The following ST6GALNAC3 variants were observed in gnomAD, a reference collection of about 807,000 sequenced individuals.
ST6GALNAC3 encodes the protein alpha-N-acetylgalactosaminide alpha-2,6-sialyltransferase 3.
ST6GALNAC3 carries 25 observed loss-of-function variants against 32.7 expected under a neutral mutation model. The ratio of observed to expected loss-of-function variants is 0.76; its 90% CI spans 0.56 to 1.07. The LOEUF (loss-of-function observed/expected upper bound fraction) is 1.07, where lower values mean the gene tolerates loss of function less well. Among genes scored for constraint, ST6GALNAC3 ranks in the 50% least tolerant of loss-of-function variants. The pLI is 0.00. For missense variants in ST6GALNAC3, 355 were observed against 382.4 expected (o/e 0.93, Z 0.60); for synonymous variants, 129 against 133.1 (o/e 0.97, Z 0.21).
chr1:76,470,198 A>G (rs1658924336), intron 3 of ST6GALNAC3, among the ~76,000 whole-genome samples: 1 of 152,074 alleles, frequency 6.6e-6, no homozygotes, highest in South Asian at 2.1e-4. Context: ...TAGGTTCGGC[A>G]ACAGAATAAT....
Position 76,260,889 on chromosome 1 carries a change from A to C in ST6GALNAC3, c.19-52916A>C, listed in dbSNP as rs544507316. Among the ~76,000 whole-genome samples, 6 of 152,192 alleles carry C rather than the reference A, an allele frequency of 3.9e-5. No individual in the cohort carries two copies. The East Asian group carries it at 9.7e-4, about 25-fold the overall frequency. On this transcript the variant is annotated intron_variant, in intron 1 of 4. Coordinates refer to ENST00000328299, the MANE Select transcript of ST6GALNAC3 (RefSeq NM_152996.4). The stretch of plus-strand genomic sequence containing the variant: ...AGGACATCCGTCCAAGTTAATAAAT[A>C]TGTGCCTTTTTTAAAAAATAGAAAA...
chr1:76,077,258 C>CTT (rs58714013), intron 1 of ST6GALNAC3, among the ~76,000 whole-genome samples: 2 of 145,722 alleles, frequency 1.4e-5, no homozygotes, highest in African/African-American at 5.1e-5. Flanking sequence ...AAACTATGGA[C>CTT]TTTTTTTTTT....
intron 1 of ST6GALNAC3, among the ~76,000 whole-genome samples, chr1:76,122,076 C>T (rs1648914124): frequency 6.6e-6 from 1 of 152,196 alleles, no homozygotes; most frequent in Non-Finnish European, 1.5e-5. Flanking sequence ...CCCATCCAAG[C>T]ACTTGGCACG....
At chr1:76,341,690 TTTCTTTCTTTCTTTCC>T (rs1557804088) in intron 2 of ST6GALNAC3, among the ~76,000 whole-genome samples, 2 of 123,602 alleles carry the variant, frequency 1.6e-5, no homozygotes, top group Admixed American at 8.3e-5. Flanking sequence ...TCCTTCTTTC[TTTCTTTCTTTCTTTCC>T]TTCTTTCTTT....
Position 76,363,465 on chromosome 1 carries a change from T to C in ST6GALNAC3, c.214-48543T>C, listed in dbSNP as rs115542913. ...TTTTGTTGAAACCATTCAACAAGTC[T>C]ATCGGAAGTTCCAAACATTCCCTCA... On this transcript the variant is annotated intron_variant, in intron 2 of 4. Transcript: ENST00000328299. Among the ~76,000 whole-genome samples the C allele has an allele frequency of 3.4e-3, 519 of 152,336 alleles. 1 individual carries two copies. Among genetic ancestry groups the C allele is most frequent in the African/African-American group, 0.012 (491 of 41,584 alleles).
intron 2 of ST6GALNAC3, among the ~76,000 whole-genome samples, chr1:76,331,181 C>T (rs574003283): frequency 6.6e-6 from 1 of 152,036 alleles, no homozygotes; most frequent in African/African-American, 2.4e-5. Flanking sequence ...AGTGGTGTCC[C>T]CCTACCACTA....
intron 3 of ST6GALNAC3, among the ~76,000 whole-genome samples, chr1:76,587,134 T>C (rs1430386320): frequency 1.3e-5 from 2 of 152,212 alleles, no homozygotes; most frequent in Non-Finnish European, 2.9e-5. Flanking sequence ...AGAATGACTT[T>C]ATATTAGTCC....
intron 1 of ST6GALNAC3, among the ~76,000 whole-genome samples, chr1:76,271,300 G>A (rs978957668): frequency 1.4e-4 from 22 of 152,120 alleles, no homozygotes; most frequent in Admixed American, 5.9e-4. Context: ...AAGAGAATCC[G>A]GTCTCCGTTT....
intron 1 of ST6GALNAC3, among the ~76,000 whole-genome samples, chr1:76,112,358 G>A (rs1648062874): frequency 7.0e-6 from 1 of 143,868 alleles, no homozygotes; most frequent in African/African-American, 2.6e-5. Flanking sequence ...GGGGCGGCTG[G>A]CCGGGCGGGG....
At chr1:76,290,108 A>C (rs1385710824) in intron 1 of ST6GALNAC3, among the ~76,000 whole-genome samples, 4 of 152,252 alleles carry the variant, frequency 2.6e-5, no homozygotes, top group African/African-American at 4.8e-5. Context: ...TTCCTTTGTA[A>C]GAAATTGAAG....
chr1:76,337,644 AG>A (rs1647612601), intron 2 of ST6GALNAC3, among the ~76,000 whole-genome samples: 1 of 152,152 alleles, frequency 6.6e-6, no homozygotes, highest in African/African-American at 2.4e-5. Context: ...CCCCTGGCCC[AG>A]TCCAGACCTA....
intron 1 of ST6GALNAC3, among the ~76,000 whole-genome samples, chr1:76,119,196 A>G (rs893251116): frequency 6.6e-6 from 1 of 152,222 alleles, no homozygotes; most frequent in African/African-American, 2.4e-5. Context: ...GGAATCTCCA[A>G]GTTTTATTGC....
chr1:76,548,853 A>G (rs1038084511), intron 3 of ST6GALNAC3, among the ~76,000 whole-genome samples: 1 of 152,212 alleles, frequency 6.6e-6, no homozygotes, highest in East Asian at 1.9e-4. Context: ...GTAGTTGTAC[A>G]TTTTAATCCC....
chr1:76,630,401 G>A lies in ST6GALNAC3; in HGVS notation c.*1595G>A. On this transcript the variant is annotated 3_prime_UTR_variant, in exon 5 of 5. Transcript: ENST00000328299. The stretch of plus-strand genomic sequence containing the variant: ...GACAACAGGAGGAAATGAAGGCAGA[G>A]AAATATAGTTTCCTTTCCTAGGATT... 1 of 985,184 alleles carries A rather than the reference G, an allele frequency of 1.0e-6. No homozygotes were observed. The highest frequency in any genetic ancestry group is 1.2e-6 in the Non-Finnish European group (1 of 829,828). The allele number at this position is 985,184 out of a possible 1,614,324, so 61.0% of individuals were successfully genotyped here.
intron 2 of ST6GALNAC3, among the ~76,000 whole-genome samples, chr1:76,410,074 A>G (rs1654118064): frequency 6.6e-6 from 1 of 151,914 alleles, no homozygotes; most frequent in Non-Finnish European, 1.5e-5. Context: ...TTTTTTATCA[A>G]CTTTCCACAC....
chr1:76,410,766 A>C (rs777340124), intron 2 of ST6GALNAC3, among the ~76,000 whole-genome samples: 1 of 152,096 alleles, frequency 6.6e-6, no homozygotes, highest in Non-Finnish European at 1.5e-5. Context: ...CTTACCTCTC[A>C]GTGTAGTTAT....
chr1:76,122,892 T>C (rs1648979588), intron 1 of ST6GALNAC3, among the ~76,000 whole-genome samples: 1 of 152,072 alleles, frequency 6.6e-6, no homozygotes, highest in African/African-American at 2.4e-5. Flanking sequence ...ACAGCTCCAG[T>C]TGTTGCTCTG....
At chr1:76,245,033 A>G (rs1657181004) in intron 1 of ST6GALNAC3, among the ~76,000 whole-genome samples, 1 of 152,048 alleles carries the variant, frequency 6.6e-6, no homozygotes, top group East Asian at 1.9e-4. Context: ...TGTACCTCTG[A>G]TAGAATTCCT....
intron 3 of ST6GALNAC3, among the ~76,000 whole-genome samples, chr1:76,441,797 T>C (rs946280077): frequency 6.6e-6 from 1 of 152,032 alleles, no homozygotes; most frequent in African/African-American, 2.4e-5. Flanking sequence ...GTCCACACAC[T>C]TACCTGTCCT....
Sources: gnomAD v4.1 joint callset for allele counts (sites outside exome capture counted in the v4.1 genomes callset) on GRCh38, gnomAD v4.1.1 for gene constraint, MANE v1.5 for transcripts, NCBI Gene and HGNC (gene_info 2026-07-23, HGNC 2026-07-21) for gene names.